The following XRCC4 variants were observed in gnomAD, a reference collection of about 807,000 sequenced individuals.
XRCC4 encodes the protein X-ray repair cross complementing 4, also known as DNA repair protein XRCC4.
XRCC4 carries 28 observed loss-of-function variants against 39.1 expected under a neutral mutation model. The ratio of observed to expected loss-of-function variants is 0.72; its 90% confidence interval spans 0.53 to 0.98. The LOEUF (loss-of-function observed/expected upper bound fraction) is 0.98, where lower values mean the gene tolerates loss of function less well. Among genes scored for constraint, XRCC4 ranks in the 50% least tolerant of loss-of-function variants. The probability of loss-of-function intolerance (pLI) is 0.00; values close to 1 mark genes in which losing one functional copy is unlikely to be tolerated. For synonymous variants in XRCC4, 123 were observed against 126.4 expected (o/e 0.97, Z 0.18); for missense variants, 350 against 376.4 (o/e 0.93, Z 0.58).
intron 7 of XRCC4, among the ~76,000 whole-genome samples, chr5:83,352,337 A>T (rs1054623459): frequency 1.3e-5 from 2 of 152,198 alleles, no homozygotes; most frequent in African/African-American, 4.8e-5. Context: ...AGCATACTTT[A>T]TTAAGGTTCC....
At chr5:83,231,330 C>T (rs1426907156) in intron 6 of XRCC4, among the ~76,000 whole-genome samples, 2 of 151,972 alleles carry the variant, frequency 1.3e-5, no homozygotes, top group African/African-American at 4.8e-5. Context: ...CTGGGTTTCC[C>T]ATATTTCATA....
intron 6 of XRCC4, among the ~76,000 whole-genome samples, chr5:83,229,367 T>C (rs1283694976): frequency 4.6e-5 from 7 of 151,854 alleles, no homozygotes; most frequent in Non-Finnish European, 1.0e-4. Flanking sequence ...TTCTTTAATA[T>C]ATCGCCTTGG....
At chr5:83,313,039 A>T (rs943064580) in intron 7 of XRCC4, among the ~76,000 whole-genome samples, 1 of 151,572 alleles carries the variant, frequency 6.6e-6, no homozygotes, top group Admixed American at 6.6e-5. Context: ...GATTTGACAG[A>T]AACCATGCCA....
At chr5:83,181,096 A>T (rs1297752310) in intron 3 of XRCC4, among the ~76,000 whole-genome samples, 1 of 149,930 alleles carries the variant, frequency 6.7e-6, no homozygotes, top group Non-Finnish European at 1.5e-5. Flanking sequence ...AAGGTTCTAA[A>T]TAACTCCCTT....
intron 6 of XRCC4, among the ~76,000 whole-genome samples, chr5:83,227,692 A>G (rs1752342347): frequency 1.3e-5 from 2 of 152,226 alleles, no homozygotes; most frequent in Admixed American, 1.3e-4. Flanking sequence ...AAGTTTGAAC[A>G]TGAAGGATTT....
Position 83,203,654 on chromosome 5 carries a change from T to G in XRCC4, c.585T>G (p.His195Gln), listed in dbSNP as rs764109844. ...AGAAAACAAAAATCAGAAGTTTGCA[T>G]AATAAATTATTAAATGCAGCTCAAG... is the stretch of plus-strand genomic sequence containing the variant. ...NEKKTKIRSLHNKLLNAAQER... is the reference protein window; with the variant it reads ...NEKKTKIRSLQNKLLNAAQER... The change falls in exon 5 of 8, where the codon CAT (histidine) becomes CAG (glutamine). Residue 195 changes from histidine (H) to glutamine (Q), a missense_variant. By Grantham distance (24) the His-to-Gln change is conservative (BLOSUM62 0). Transcript: ENST00000396027. 1.2e-6 allele frequency: 2 copies of G among 1,610,900 alleles called. No homozygotes were observed. The highest frequency in any genetic ancestry group is 1.7e-6 in the Non-Finnish European group (2 of 1,178,736).
chr5:83,264,027 TG>T (rs1353428283), intron 7 of XRCC4, among the ~76,000 whole-genome samples: 13 of 152,158 alleles, frequency 8.5e-5, no homozygotes, highest in Admixed American at 8.5e-4. Context: ...CAGAAAAAGA[TG>T]TAGCGTATTT....
chr5:83,364,171 T>G, the XRCC4 span, among the ~76,000 whole-genome samples: 1 of 152,182 alleles, frequency 6.6e-6, no homozygotes, highest in Non-Finnish European at 1.5e-5. Context: ...AACTAAGAGC[T>G]ATAGAATATC....
At chr5:83,279,742 A>G (rs191033074) in intron 7 of XRCC4, among the ~76,000 whole-genome samples, 1 of 152,240 alleles carries the variant, frequency 6.6e-6, no homozygotes, top group Non-Finnish European at 1.5e-5. Context: ...GCAGAAAATG[A>G]TAATGTCTGT....
intron 6 of XRCC4, among the ~76,000 whole-genome samples, chr5:83,210,370 C>T (rs891343666): frequency 1.3e-5 from 2 of 152,054 alleles, no homozygotes; most frequent in East Asian, 1.9e-4. Flanking sequence ...CAATAGTGGG[C>T]TTTTATACAT....
At chr5:83,092,669 T>C (rs1204110344) in intron 1 of XRCC4, among the ~76,000 whole-genome samples, 1 of 152,096 alleles carries the variant, frequency 6.6e-6, no homozygotes, top group African/African-American at 2.4e-5. Flanking sequence ...AGGTGTTGAG[T>C]TGTATTTAAT....
chr5:83,097,107 C>G (rs192165324), intron 1 of XRCC4, among the ~76,000 whole-genome samples: 2 of 152,140 alleles, frequency 1.3e-5, no homozygotes, highest in African/African-American at 4.8e-5. Flanking sequence ...CTGGAGTTGT[C>G]CAAAATGTAT....
intron 3 of XRCC4, among the ~76,000 whole-genome samples, chr5:83,192,070 G>T (rs891419628): frequency 4.7e-5 from 7 of 149,204 alleles, no homozygotes; most frequent in Non-Finnish European, 1.1e-4. Context: ...TTTTTAATGC[G>T]GATTAAATTT....
rs1561332950 is a variant in XRCC4 at position 83,111,066 on chromosome 5, GC to G, written c.179del (p.Ala60GlufsTer11). ...GATTTCCCAAGAAGCTGATGACATG[GC>G]AATGGAAAAAGGGAAATATGTTGGT... ...SEISQEADDM[A>X]MEKGKYVGEL... On this transcript the variant is annotated frameshift_variant, in exon 3 of 8. Coordinates refer to ENST00000396027, the MANE Select transcript of XRCC4 (RefSeq NM_003401.5). LOFTEE classifies it high-confidence loss of function. 1 of 1,610,462 alleles carries G rather than the reference GC, an allele frequency of 6.2e-7. No homozygotes were observed. The highest frequency in any genetic ancestry group is 1.7e-5 in the Admixed American group (1 of 59,410).
intron 7 of XRCC4, among the ~76,000 whole-genome samples, chr5:83,336,316 G>T (rs1052258442): frequency 6.6e-6 from 1 of 151,886 alleles, no homozygotes; most frequent in Non-Finnish European, 1.5e-5. Context: ...TTGTCTTTTC[G>T]GGCTGCATGT....
intron 7 of XRCC4, among the ~76,000 whole-genome samples, chr5:83,310,499 T>C (rs190389008): frequency 8.3e-4 from 127 of 152,306 alleles, no homozygotes; most frequent in African/African-American, 2.9e-3. Flanking sequence ...ATTTATTCTG[T>C]GTACCTTTCT....
chr5:83,300,816 G>A (rs1755259023), intron 7 of XRCC4, among the ~76,000 whole-genome samples: 2 of 151,824 alleles, frequency 1.3e-5, no homozygotes, highest in Middle Eastern at 3.4e-3. Flanking sequence ...ACTTATGAGT[G>A]AGAACATGCA....
downstream of XRCC4, among the ~76,000 whole-genome samples, chr5:83,354,706 G>T (rs1255554155): frequency 6.6e-6 from 1 of 151,990 alleles, no homozygotes; most frequent in Non-Finnish European, 1.5e-5. Context: ...TTACCCATTT[G>T]GGAAATTTCA....
intron 1 of XRCC4, among the ~76,000 whole-genome samples, chr5:83,090,858 C>T (rs905706829): frequency 6.6e-6 from 1 of 152,044 alleles, no homozygotes; most frequent in African/African-American, 2.4e-5. Flanking sequence ...CACACACACT[C>T]ATTATTTTTT....
Sources: gnomAD v4.1 joint callset for allele counts (sites outside exome capture counted in the v4.1 genomes callset) on GRCh38, gnomAD v4.1.1 for gene constraint, MANE v1.5 for transcripts, NCBI Gene and HGNC (gene_info 2026-07-23, HGNC 2026-07-21) for gene names.